The following SLC7A14 variants were observed in gnomAD, a reference collection of about 807,000 sequenced individuals.
SLC7A14 encodes the protein gamma-aminobutyric acid transporter SLC7A14.
In SLC7A14, 37 loss-of-function variants were observed where a neutral mutation model predicts 60.2. The ratio of observed to expected loss-of-function variants is 0.61; its 90% CI spans 0.47 to 0.81. The LOEUF (loss-of-function observed/expected upper bound fraction) is 0.81, where lower values mean the gene tolerates loss of function less well. Ranked by LOEUF, SLC7A14 falls within the 30% of genes least tolerant of loss-of-function variation. The pLI, the probability that SLC7A14 is intolerant of heterozygous loss-of-function variation, is 0.00. For missense variants in SLC7A14, 886 were observed against 982.7 expected, an observed-to-expected ratio of 0.90 and a Z score of 1.32; for synonymous variants, 399 against 395.8, an observed-to-expected ratio of 1.01 and a Z score of -0.10.
In SLC7A14 at chr3:170,510,575, A is replaced by G. The variant is rs529453006; in HGVS notation, c.305-9230T>C. 5.2e-4 allele frequency among the ~76,000 whole-genome samples: 79 copies of G among 152,250 alleles called. 1 individual carries two copies. Among genetic ancestry groups the G allele is most frequent in the African/African-American group, 1.9e-3 (78 of 41,542 alleles). On this transcript the variant is annotated intron_variant, in intron 2 of 7. Transcript: ENST00000231706. Reference sequence around the variant, plus strand: ...TATTGTTAATAATCATCATCAGCATACATTATTTTACTTGACTGCTTTATC... The same window carrying G: ...TATTGTTAATAATCATCATCAGCATGCATTATTTTACTTGACTGCTTTATC...
chr3:170,522,375 T>G (rs1261743738), intron 2 of SLC7A14, among the ~76,000 whole-genome samples: 1 of 152,194 alleles, frequency 6.6e-6, no homozygotes, highest in Non-Finnish European at 1.5e-5. Context: ...GGCCAAAGAC[T>G]GGAAACAACC....
chr3:170,577,624 C>CA (rs56357954), intron 1 of SLC7A14, among the ~76,000 whole-genome samples: 2,560 of 50,682 alleles, frequency 0.051, 72 homozygotes, highest in Non-Finnish European at 0.06. Context: ...GACTCCGTCT[C>CA]AAAAAAAAAA....
intron 1 of SLC7A14, among the ~76,000 whole-genome samples, chr3:170,531,310 G>C (rs780882404): frequency 7.9e-5 from 12 of 152,142 alleles, no homozygotes; most frequent in Middle Eastern, 6.8e-3. Context: ...GACTATGGAG[G>C]CGGCACTGTC....
At chr3:170,481,386 TTTC>T (rs1389263438) in intron 6 of SLC7A14, among the ~76,000 whole-genome samples, 4 of 113,630 alleles carry the variant, frequency 3.5e-5, no homozygotes, top group Non-Finnish European at 5.2e-5. Flanking sequence ...AAATCTTTGA[TTTC>T]TTTTTTTTTT....
chr3:170,558,661 A>T (rs1714551605), intron 1 of SLC7A14, among the ~76,000 whole-genome samples: 1 of 152,230 alleles, frequency 6.6e-6, no homozygotes, highest in South Asian at 2.1e-4. Context: ...CTCAGTACTA[A>T]GACTGTGCAG....
chr3:170,582,916 A>C (rs1715274350), intron 1 of SLC7A14, among the ~76,000 whole-genome samples: 1 of 152,226 alleles, frequency 6.6e-6, no homozygotes, highest in Non-Finnish European at 1.5e-5. Flanking sequence ...GCTGTATGTT[A>C]GAGCGAACTA....
chr3:170,520,378 T>TA (rs1389969277), intron 2 of SLC7A14, among the ~76,000 whole-genome samples: 2 of 152,226 alleles, frequency 1.3e-5, no homozygotes, highest in Non-Finnish European at 2.9e-5. Flanking sequence ...ATTACATTGT[T>TA]ATGACTATTA....
rs1211302069 is a variant in SLC7A14 at position 170,465,242 on chromosome 3, TA to T, written c.*1812del. ...TACGATATGTAATTTATTTAAAGCA[TA>T]TTTTTTAAAAACTAGTTTCAATTCA... is the stretch of plus-strand genomic sequence containing the variant. On this transcript the variant is annotated 3_prime_UTR_variant, in exon 8 of 8. Transcript: ENST00000231706. 6.6e-6 allele frequency: 1 copy of T among 152,258 alleles called. No individual in the cohort carries two copies. The highest frequency in any genetic ancestry group is 1.5e-5 in the Non-Finnish European group (1 of 68,050). The allele number at this position is 152,258 out of a possible 1,614,324, so 9.4% of individuals were successfully genotyped here.
intron 4 of SLC7A14, chr3:170,496,302 A>G: frequency 9.9e-7 from 1 of 1,012,684 alleles, no homozygotes. Context: ...AGAGCTGCAG[A>G]CGCTGGCTGG....
In SLC7A14 at chr3:170,467,256, C is replaced by T. The variant is rs754352702; in HGVS notation, c.2115G>A (p.Glu705=). ...RYDVDDPFSV[E]EGFSYATEGE... is the part of the protein sequence containing the mutation. ...CCTCTGTGGCGTAGGAGAAACCCTC[C>T]TCCACTGAGAAGGGGTCATCCACGT... The change falls in exon 8 of 8, where the codon GAG becomes GAA. Residue 705 remains glutamate, a synonymous_variant. Transcript: ENST00000231706. 1.2e-5 allele frequency: 20 copies of T among 1,614,148 alleles called. No individual in the cohort carries two copies. Among genetic ancestry groups the T allele is most frequent in the South Asian group, 5.5e-5 (5 of 91,090 alleles).
At chr3:170,541,781 A>G (rs1217145492) in intron 1 of SLC7A14, among the ~76,000 whole-genome samples, 1 of 152,216 alleles carries the variant, frequency 6.6e-6, no homozygotes, top group Admixed American at 6.5e-5. Context: ...GAGTAATTGC[A>G]ATTAAAATTG....
intron 2 of SLC7A14, among the ~76,000 whole-genome samples, chr3:170,508,140 G>A (rs1049516720): frequency 6.6e-6 from 1 of 152,156 alleles, no homozygotes; most frequent in Non-Finnish European, 1.5e-5. Context: ...ATCTATATCA[G>A]CTTTTAAGGA....
chr3:170,536,425 A>G (rs1230845949), intron 1 of SLC7A14, among the ~76,000 whole-genome samples: 4 of 152,268 alleles, frequency 2.6e-5, no homozygotes, highest in African/African-American at 9.6e-5. Context: ...ATATTTGATT[A>G]GCCAGAAAAG....
rs1480317479 is a variant in SLC7A14, at chr3:170,566,208, T to C, written c.-153+19703A>G. Among the ~76,000 whole-genome samples, 13 of 152,072 alleles carry C rather than the reference T, an allele frequency of 8.5e-5. 1 individual carries two copies. The highest frequency in any genetic ancestry group is 8.5e-4 in the Admixed American group (13 of 15,272). ...CTTGCTTCCTCGGCATTGTTTTGGT[T>C]CCAAGCATGCAAAGCTCATCTGGTT... On this transcript the variant is annotated intron_variant, in intron 1 of 7. Coordinates refer to ENST00000231706, the MANE Select transcript of SLC7A14 (RefSeq NM_020949.3).
intron 1 of SLC7A14, among the ~76,000 whole-genome samples, chr3:170,581,298 A>G (rs1715226319): frequency 6.6e-6 from 1 of 152,134 alleles, no homozygotes; most frequent in East Asian, 1.9e-4. Context: ...TCACCCCCTC[A>G]CACTGAGGAA....
chr3:170,489,348 C>A (rs1712142060), intron 4 of SLC7A14, among the ~76,000 whole-genome samples: 2 of 152,104 alleles, frequency 1.3e-5, no homozygotes, highest in African/African-American at 4.8e-5. Context: ...GGCAAACAGG[C>A]ATTGATAATC....
intron 1 of SLC7A14, among the ~76,000 whole-genome samples, chr3:170,546,076 TC>T (rs1416167642): frequency 5.9e-5 from 9 of 152,332 alleles, no homozygotes; most frequent in South Asian, 2.1e-4. Flanking sequence ...TACCAGGCAA[TC>T]CTTTTTGGCA....
intron 2 of SLC7A14, among the ~76,000 whole-genome samples, chr3:170,519,815 T>C (rs1190537990): frequency 6.6e-6 from 1 of 152,026 alleles, no homozygotes; most frequent in Admixed American, 6.6e-5. Context: ...GACCGAAAGG[T>C]AAGGAATCAC....
chr3:170,473,643 G>T (rs1711514219), intron 7 of SLC7A14, among the ~76,000 whole-genome samples: 1 of 152,176 alleles, frequency 6.6e-6, no homozygotes, highest in Admixed American at 6.5e-5. Context: ...GTAATGAGAA[G>T]GTATCCTTCC....
Sources: gnomAD v4.1 joint callset for allele counts (sites outside exome capture counted in the v4.1 genomes callset) on GRCh38, gnomAD v4.1.1 for gene constraint, MANE v1.5 for transcripts, NCBI Gene and HGNC (gene_info 2026-07-23, HGNC 2026-07-21) for gene names.